RYR3: variants seen among roughly 807,000 people sequenced by gnomAD.
RYR3 encodes the protein ryanodine receptor 3.
Under a neutral mutation model 584.3 loss-of-function variants are expected in RYR3, and 207 were observed. The ratio of observed to expected loss-of-function variants is 0.35; its 90% CI spans 0.32 to 0.40. The LOEUF (loss-of-function observed/expected upper bound fraction) is 0.40. RYR3 is among the 10% of genes least tolerant of loss of function. The pLI is 1.00. For missense variants in RYR3, 5,616 were observed against 6,089.2 expected (o/e 0.92, Z 2.59); for synonymous variants, 2,416 against 2,248.5 (o/e 1.07, Z -2.11).
rs149388282 is a variant in RYR3 at position 33,843,057 on chromosome 15, C to T, written c.13210-431C>T. On this transcript the variant is annotated intron_variant, in intron 91 of 103. Transcript: ENST00000634891. ...AGGGTTGGCCGGGCACGGTGGCTCACGCCTGTAATCCCAGCATTTTGGGAG... is the reference window on the plus strand; with the variant it reads ...AGGGTTGGCCGGGCACGGTGGCTCATGCCTGTAATCCCAGCATTTTGGGAG... 8.7e-3 allele frequency among the ~76,000 whole-genome samples: 1,331 copies of T among 152,142 alleles called. 10 individuals are homozygous for T. The highest frequency in any genetic ancestry group is 0.014 in the Non-Finnish European group (952 of 67,994).
In RYR3 at chr15:33,549,269, A is replaced by G. The variant is rs1474497745; in HGVS notation, c.816-891A>G. On this transcript the variant is annotated intron_variant, in intron 9 of 103. Coordinates refer to ENST00000634891, the MANE Select transcript of RYR3 (RefSeq NM_001036.6). The stretch of plus-strand genomic sequence containing the variant: ...TTTTAAGAGGTCAAAATAAGTATGT[A>G]TGCGTACTTCTGGTTATGATTGCTT... Among the ~76,000 whole-genome samples, 4 of 152,214 alleles carry G rather than the reference A, an allele frequency of 2.6e-5. No individual in the cohort carries two copies. In the East Asian group the frequency reaches 5.8e-4, roughly 22 times the overall value.
chr15:33,842,466 A>G (rs1322981217), intron 91 of RYR3, among the ~76,000 whole-genome samples: 1 of 152,272 alleles, frequency 6.6e-6, no homozygotes, highest in African/African-American at 2.4e-5. Context: ...TCTATATGCA[A>G]TCAAAGCTTA....
At chr15:33,670,292 T>G in intron 37 of RYR3, 127 bp from the exon 38 acceptor site, 1 of 946,566 alleles carries the variant, frequency 1.1e-6, no homozygotes, top group East Asian at 2.6e-5. Flanking sequence ...AATAGTATCT[T>G]TAGAAAGCCT....
chr15:33,708,649 T>C (rs1244239881), intron 43 of RYR3, among the ~76,000 whole-genome samples: 1 of 152,244 alleles, frequency 6.6e-6, no homozygotes, highest in African/African-American at 2.4e-5. Context: ...TTAATGTTTG[T>C]CTCTATAATA....
At chr15:33,678,099 A>G (rs2064308994) in intron 38 of RYR3, among the ~76,000 whole-genome samples, 1 of 152,222 alleles carries the variant, frequency 6.6e-6, no homozygotes, top group South Asian at 2.1e-4. Context: ...CAGTTTTTAC[A>G]TGGTAATGAT....
chr15:33,506,860 TATTC>T (rs901861073), intron 3 of RYR3, among the ~76,000 whole-genome samples: 6 of 152,110 alleles, frequency 3.9e-5, no homozygotes, highest in African/African-American at 1.4e-4. Context: ...TAGAAGAAAA[TATTC>T]AGCAGGGAAG....
chr15:33,358,055 TA>T (rs1356045615), intron 1 of RYR3, among the ~76,000 whole-genome samples: 1 of 152,232 alleles, frequency 6.6e-6, no homozygotes, highest in African/African-American at 2.4e-5. Flanking sequence ...TCTTAACCTC[TA>T]ATTACTTTCT....
At chr15:33,579,634 A>C (rs911950271) in intron 12 of RYR3, among the ~76,000 whole-genome samples, 3 of 152,242 alleles carry the variant, frequency 2.0e-5, no homozygotes, top group African/African-American at 7.2e-5. Context: ...TTTAGATTAC[A>C]GGGAAATCAT....
At chr15:33,373,626 G>T (rs1403510967) in intron 1 of RYR3, among the ~76,000 whole-genome samples, 1 of 152,140 alleles carries the variant, frequency 6.6e-6, no homozygotes, top group Non-Finnish European at 1.5e-5. Context: ...AAAATTGTTT[G>T]TTTGTTTGTT....
chr15:33,861,106 A>G lies in RYR3; in HGVS notation c.14393A>G (p.Asn4798Ser). ...ETKCFICGIGNDYFDTTPHGF... is the reference protein window; with the variant it reads ...ETKCFICGIGSDYFDTTPHGF... Reference sequence around the variant, plus strand: ...AAATGTTTCATCTGTGGGATTGGCAATGACTACTTTGACACAACCCCTCAT... The same window carrying G: ...AAATGTTTCATCTGTGGGATTGGCAGTGACTACTTTGACACAACCCCTCAT... The change falls in exon 102 of 104, where the codon AAT becomes AGT. Residue 4798 changes from asparagine to serine, a missense_variant. Asn to Ser is a conservative substitution (Grantham distance 46, BLOSUM62 1). Transcript: ENST00000634891. 6.3e-7 allele frequency: 1 copy of G among 1,595,948 alleles called. No homozygotes were observed. The highest frequency in any genetic ancestry group is 1.3e-5 in the African/African-American group (1 of 74,860).
intron 8 of RYR3, among the ~76,000 whole-genome samples, chr15:33,544,192 C>T (rs1049928840): frequency 3.9e-5 from 6 of 152,116 alleles, no homozygotes; most frequent in Admixed American, 3.9e-4. Flanking sequence ...TACTTGACCC[C>T]TTCATGAATG....
intron 1 of RYR3, among the ~76,000 whole-genome samples, chr15:33,416,818 G>A (rs549146820): frequency 6.6e-6 from 1 of 152,154 alleles, no homozygotes; most frequent in East Asian, 1.9e-4. Flanking sequence ...TTTTTATGGT[G>A]TGAGGTCGTA....
At chr15:33,843,717 A>G in intron 92 of RYR3, 143 bp downstream of exon 92, 1 of 618,514 alleles carries the variant, frequency 1.6e-6, no homozygotes, top group East Asian at 2.9e-5. Flanking sequence ...ATTGGCTTCT[A>G]AAAGGAATAC....
intron 60 of RYR3, among the ~76,000 whole-genome samples, chr15:33,761,613 T>A (rs1408995714): frequency 6.6e-6 from 1 of 152,152 alleles, no homozygotes; most frequent in Non-Finnish European, 1.5e-5. Flanking sequence ...CAGTAACTAA[T>A]AGCCTACCAA....
chr15:33,394,014 CTAAA>C (rs1201990108), intron 1 of RYR3, among the ~76,000 whole-genome samples: 2 of 152,188 alleles, frequency 1.3e-5, no homozygotes, highest in African/African-American at 2.4e-5. Context: ...CATCCACCTG[CTAAA>C]TAACAGAGCC....
chr15:33,554,274 A>G (rs2141281188), intron 10 of RYR3, among the ~76,000 whole-genome samples: 1 of 148,858 alleles, frequency 6.7e-6, no homozygotes, highest in African/African-American at 2.5e-5. Flanking sequence ...AATCCATTTC[A>G]TTCTAACCTC....
intron 38 of RYR3, among the ~76,000 whole-genome samples, chr15:33,691,286 T>C (rs1257461914): frequency 6.6e-6 from 1 of 152,232 alleles, no homozygotes; most frequent in Non-Finnish European, 1.5e-5. Flanking sequence ...TATTGGTTCG[T>C]TGAGTTAATA....
chr15:33,774,325 T>G (rs528608999), intron 64 of RYR3, among the ~76,000 whole-genome samples: 2 of 152,328 alleles, frequency 1.3e-5, no homozygotes, highest in South Asian at 4.1e-4. Context: ...TTGGAAGATT[T>G]TTGTTTTCTT....
chr15:33,835,325 T>G (rs1413408335), intron 87 of RYR3, among the ~76,000 whole-genome samples: 2 of 152,190 alleles, frequency 1.3e-5, no homozygotes, highest in Non-Finnish European at 2.9e-5. Context: ...CCCTTATTAT[T>G]GCCTCAACAT....
Sources: gnomAD v4.1 joint callset for allele counts (sites outside exome capture counted in the v4.1 genomes callset) on GRCh38, gnomAD v4.1.1 for gene constraint, MANE v1.5 for transcripts, NCBI Gene and HGNC (gene_info 2026-07-23, HGNC 2026-07-21) for gene names.